BICC1: variants seen among roughly 807,000 people sequenced by gnomAD.
BICC1 encodes BicC family RNA binding protein 1.
BICC1 carries 43 observed loss-of-function variants against 111.0 expected under a neutral mutation model. The ratio of observed to expected loss-of-function variants is 0.39; its 90% CI spans 0.30 to 0.50. BICC1 has a LOEUF of 0.50. Among genes scored for constraint, BICC1 ranks in the 20% least tolerant of loss-of-function variants. BICC1 has a pLI of 0.88. For missense variants in BICC1, 1,091 were observed against 1,203.2 expected, an observed-to-expected ratio of 0.91 and a Z score of 1.38; for synonymous variants, 467 against 434.4, an observed-to-expected ratio of 1.07 and a Z score of -0.93.
chr10:58,550,481 T>C (rs1300719263), intron 1 of BICC1, among the ~76,000 whole-genome samples: 1 of 152,212 alleles, frequency 6.6e-6, no homozygotes, highest in Non-Finnish European at 1.5e-5. Flanking sequence ...TAATGTTTTT[T>C]TGTATTGTAT....
chr10:58,695,366 C>T (rs1017602775), intron 2 of BICC1, among the ~76,000 whole-genome samples: 6 of 152,114 alleles, frequency 3.9e-5, no homozygotes, highest in African/African-American at 1.4e-4. Context: ...TAACTTTAAA[C>T]AGCCTCCTCC....
chr10:58,766,671 A>C (rs943961028), intron 3 of BICC1, among the ~76,000 whole-genome samples: 1 of 152,074 alleles, frequency 6.6e-6, no homozygotes, highest in Non-Finnish European at 1.5e-5. Context: ...GTTCCAGCTC[A>C]CTGCTGGAGC....
At chr10:58,717,370 A>G (rs1840779582) in intron 3 of BICC1, among the ~76,000 whole-genome samples, 1 of 152,214 alleles carries the variant, frequency 6.6e-6, no homozygotes, top group South Asian at 2.1e-4. Flanking sequence ...AAAAAAAAAA[A>G]AACAGCTTCA....
At chr10:58,627,462 G>A (rs182537613) in intron 2 of BICC1, among the ~76,000 whole-genome samples, 5 of 152,154 alleles carry the variant, frequency 3.3e-5, no homozygotes, top group Non-Finnish European at 7.3e-5. Context: ...GTACTTGTCG[G>A]CATTTCCCTT....
At position 58,798,963 on chromosome 10, in the gene BICC1, G is replaced by A. The variant is rs182993695; in HGVS notation, c.1529-93G>A. On this transcript the variant is annotated intron_variant, in intron 11 of 20. Coordinates refer to ENST00000373886, the MANE Select transcript of BICC1 (RefSeq NM_001080512.3). ...CAAAATTGAATTCTTTTCTGAACTT[G>A]CAGCAACAAAAATGATATTTTTATT... 6.4e-5 allele frequency: 63 copies of A among 991,930 alleles called. No homozygotes were observed. The African/African-American group carries it at 8.2e-4, about 13-fold the overall frequency. The allele number at this position is 991,930 out of a possible 1,614,324, so 61.4% of individuals were successfully genotyped here.
At chr10:58,710,515 A>AT (rs1471128649) in intron 3 of BICC1, among the ~76,000 whole-genome samples, 15 of 152,170 alleles carry the variant, frequency 9.9e-5, no homozygotes, top group Admixed American at 9.2e-4. Context: ...GGGAAATTAG[A>AT]TTTTACCGTT....
intron 1 of BICC1, among the ~76,000 whole-genome samples, chr10:58,517,637 T>C (rs1057487360): frequency 6.6e-6 from 1 of 152,150 alleles, no homozygotes; most frequent in Non-Finnish European, 1.5e-5. Context: ...TTTATGAGCT[T>C]AGAGATTAAT....
At chr10:58,517,563 TAAAC>T (rs1183707808) in intron 1 of BICC1, among the ~76,000 whole-genome samples, 4 of 152,186 alleles carry the variant, frequency 2.6e-5, no homozygotes, top group African/African-American at 7.2e-5. Context: ...AAAGCTTAAA[TAAAC>T]AGAGTTTTCT....
chr10:58,740,412 A>G (rs1401865685), intron 3 of BICC1, among the ~76,000 whole-genome samples: 1 of 152,196 alleles, frequency 6.6e-6, no homozygotes, highest in Non-Finnish European at 1.5e-5. Context: ...AAAGTTGTCA[A>G]GACACCATCA....
chr10:58,556,807 C>T (rs1843460746), intron 1 of BICC1, among the ~76,000 whole-genome samples: 1 of 151,988 alleles, frequency 6.6e-6, no homozygotes, highest in African/African-American at 2.4e-5. Flanking sequence ...TCTGTTTCTT[C>T]TCAGTCATAT....
chr10:58,809,428 C>T (rs914407861), intron 17 of BICC1, among the ~76,000 whole-genome samples: 4 of 151,898 alleles, frequency 2.6e-5, no homozygotes, highest in Non-Finnish European at 4.4e-5. Context: ...TTGGTAGAGT[C>T]GTGGTTTCAC....
At chr10:58,764,223 A>G (rs948419276) in intron 3 of BICC1, among the ~76,000 whole-genome samples, 1 of 152,212 alleles carries the variant, frequency 6.6e-6, no homozygotes, top group Non-Finnish European at 1.5e-5. Context: ...TTAATTAGAC[A>G]AATGATGAAA....
At position 58,520,615 on chromosome 10, in the gene BICC1, A is replaced by G. The variant is rs180740272; in HGVS notation, c.190+7282A>G. Among the ~76,000 whole-genome samples the G allele has an allele frequency of 4.5e-4, 69 of 152,280 alleles. 1 individual carries two copies. Among genetic ancestry groups the G allele is most frequent in the African/African-American group, 1.6e-3 (68 of 41,578 alleles). On this transcript the variant is annotated intron_variant, in intron 1 of 20. Transcript: ENST00000373886. ...TGTTATAGTGAGAATGATAAACCAC[A>G]TATTAGTCTGCATATTGAGTTGATC...
chr10:58,728,429 T>A (rs1019189148), intron 3 of BICC1, among the ~76,000 whole-genome samples: 9 of 152,162 alleles, frequency 5.9e-5, no homozygotes, highest in Non-Finnish European at 1.0e-4. Context: ...TTCATTTATA[T>A]CTTTAGGCTT....
At chr10:58,704,993 T>G (rs1472267123) in intron 3 of BICC1, among the ~76,000 whole-genome samples, 1 of 152,190 alleles carries the variant, frequency 6.6e-6, no homozygotes, top group Non-Finnish European at 1.5e-5. Context: ...TTTAAGCCAT[T>G]AATCCTTTAT....
chr10:58,681,755 C>T (rs1351071407), intron 2 of BICC1, among the ~76,000 whole-genome samples: 1 of 152,096 alleles, frequency 6.6e-6, no homozygotes. Flanking sequence ...GAGTTTGTTC[C>T]TTCAGATGTT....
intron 1 of BICC1, among the ~76,000 whole-genome samples, chr10:58,528,233 G>A (rs1842595800): frequency 6.6e-6 from 1 of 151,854 alleles, no homozygotes; most frequent in Admixed American, 6.6e-5. Flanking sequence ...CCTTACCCAA[G>A]TAAGGCAGAG....
chr10:58,764,194 A>AC (rs2132694387), intron 3 of BICC1, among the ~76,000 whole-genome samples: 1 of 152,334 alleles, frequency 6.6e-6, no homozygotes, highest in African/African-American at 2.4e-5. Flanking sequence ...CCAGTTGCCT[A>AC]CATTAGGCTT....
intron 3 of BICC1, chr10:58,715,709 GAA>G: frequency 6.3e-7 from 1 of 1,582,822 alleles, no homozygotes; most frequent in African/African-American, 1.3e-5. Context: ...AAAAGAAAAA[GAA>G]AGGTTCCAAG....
Sources: allele counts gnomAD v4.1 joint callset (sites outside exome capture counted in the v4.1 genomes callset), GRCh38; gene constraint gnomAD v4.1.1; transcripts MANE v1.5; gene names NCBI Gene and HGNC (gene_info 2026-07-23, HGNC 2026-07-21).